TRHDE: variants seen among roughly 807,000 people sequenced by gnomAD.
TRHDE encodes thyrotropin releasing hormone degrading enzyme.
In TRHDE, 72 loss-of-function variants were observed where a neutral mutation model predicts 125.7. The ratio of observed to expected loss-of-function variants is 0.57; its 90% confidence interval spans 0.47 to 0.70. TRHDE has a LOEUF of 0.70. Among genes scored for constraint, TRHDE ranks in the 30% least tolerant of loss-of-function variants. TRHDE has a pLI of 0.00. For synonymous variants in TRHDE, 509 were observed against 509.1 expected (o/e 1.00, Z 0.00); for missense variants, 1,110 against 1,327.1 (o/e 0.84, Z 2.54).
intron 2 of TRHDE, among the ~76,000 whole-genome samples, chr12:72,311,710 G>A (rs1868550479): frequency 6.6e-6 from 1 of 152,150 alleles, no homozygotes; most frequent in Non-Finnish European, 1.5e-5. Context: ...AATTTGGAGT[G>A]TCATAGTTGA....
At chr12:72,311,950 C>T (rs536221945) in intron 2 of TRHDE, among the ~76,000 whole-genome samples, 32 of 152,108 alleles carry the variant, frequency 2.1e-4, no homozygotes, top group Admixed American at 7.9e-4. Context: ...AAGACTATTA[C>T]GTAAATTTCA....
chr12:72,119,065 A>G (rs1354428630), intron 2 of TRHDE, among the ~76,000 whole-genome samples: 1 of 150,620 alleles, frequency 6.6e-6, no homozygotes, highest in Admixed American at 6.6e-5. Context: ...ATCTTTATTT[A>G]TTTTTTCTAC....
intron 3 of TRHDE, among the ~76,000 whole-genome samples, chr12:72,428,780 C>A (rs1444371167): frequency 2.0e-5 from 3 of 152,122 alleles, no homozygotes; most frequent in Non-Finnish European, 4.4e-5. Flanking sequence ...GCCTAAAAAT[C>A]TAACTACGAA....
intron 2 of TRHDE, among the ~76,000 whole-genome samples, chr12:72,112,569 T>C (rs1298358481): frequency 6.6e-6 from 1 of 152,186 alleles, no homozygotes; most frequent in Non-Finnish European, 1.5e-5. Context: ...CTGATGATAA[T>C]AGCCCTCATA....
intron 2 of TRHDE, chr12:72,254,742 C>T (rs981109422): frequency 2.6e-5 from 4 of 152,322 alleles, no homozygotes; most frequent in Middle Eastern, 3.4e-3. Context: ...AACAAAGACC[C>T]ATGCCTTTTC....
At chr12:72,293,198 GT>G (rs551447909) in intron 2 of TRHDE, among the ~76,000 whole-genome samples, 2,537 of 144,294 alleles carry the variant, frequency 0.018, 65 homozygotes, top group African/African-American at 0.06. Context: ...GGGAATATTT[GT>G]TTTTTTTTTT....
At chr12:72,094,664 C>A (rs1874870449) in intron 1 of TRHDE, among the ~76,000 whole-genome samples, 1 of 152,220 alleles carries the variant, frequency 6.6e-6, no homozygotes, top group African/African-American at 2.4e-5. Flanking sequence ...GTCTGTCATG[C>A]AAAACATTAG....
intron 5 of TRHDE, among the ~76,000 whole-genome samples, chr12:72,477,723 A>G (rs1876966043): frequency 6.6e-6 from 1 of 152,190 alleles, no homozygotes; most frequent in African/African-American, 2.4e-5. Context: ...GTTTATGTTA[A>G]AATTTTAATA....
intron 2 of TRHDE, among the ~76,000 whole-genome samples, chr12:72,306,919 C>T (rs1033601782): frequency 1.3e-5 from 2 of 152,080 alleles, no homozygotes; most frequent in Admixed American, 6.6e-5. Flanking sequence ...CTTGGGATAT[C>T]TGGGGAAAGA....
Position 72,655,214 on chromosome 12 carries a change from A to G in TRHDE, c.2985-1713A>G, listed in dbSNP as rs536815955. Among the ~76,000 whole-genome samples the G allele has an allele frequency of 4.6e-5, 7 of 152,210 alleles. No homozygotes were observed. In the East Asian group the frequency reaches 1.2e-3, roughly 25 times the overall value. ...CAGTCTCCTGAGTAGCTGGGACTAC[A>G]GACATACACCACCACACCCGGCTAA... On this transcript the variant is annotated intron_variant, in intron 17 of 18. Coordinates refer to ENST00000261180, the MANE Select transcript of TRHDE (RefSeq NM_013381.3).
At chr12:72,180,974 A>G (rs1186608950) in intron 2 of TRHDE, among the ~76,000 whole-genome samples, 1 of 152,168 alleles carries the variant, frequency 6.6e-6, no homozygotes, top group African/African-American at 2.4e-5. Flanking sequence ...CAGTTAGCCT[A>G]CCCTAAATAA....
At chr12:72,292,148 G>C (rs1880112704) in intron 2 of TRHDE, among the ~76,000 whole-genome samples, 1 of 152,140 alleles carries the variant, frequency 6.6e-6, no homozygotes. Flanking sequence ...GCTTTATGAG[G>C]CATGCCCTTA....
intron 2 of TRHDE, among the ~76,000 whole-genome samples, chr12:72,374,634 A>C (rs866279368): frequency 3.4e-4 from 52 of 152,144 alleles, no homozygotes; most frequent in African/African-American, 1.2e-3. Context: ...TGAGATAGAT[A>C]GAAAAGTAAG....
At chr12:72,103,704 C>T (rs1012452332) in intron 1 of TRHDE, among the ~76,000 whole-genome samples, 17 of 151,888 alleles carry the variant, frequency 1.1e-4, no homozygotes, top group African/African-American at 7.3e-5. Context: ...TTTGGGTTGC[C>T]GTGAAAGCAG....
At position 72,667,169 on chromosome 12, in the gene TRHDE, T is replaced by A. The variant is rs948352487; in HGVS notation, c.*3974T>A. On this transcript the variant is annotated 3_prime_UTR_variant, in exon 19 of 19. Coordinates refer to ENST00000261180, the MANE Select transcript of TRHDE (RefSeq NM_013381.3). ...AATAATATATTTAATTAAAATCTACTGGCAATTAGAATTTTAAGGAATTCT... is the reference window on the plus strand; with the variant it reads ...AATAATATATTTAATTAAAATCTACAGGCAATTAGAATTTTAAGGAATTCT... 6.6e-6 allele frequency: 1 copy of A among 151,970 alleles called. No individual in the cohort carries two copies. The highest frequency in any genetic ancestry group is 1.5e-5 in the Non-Finnish European group (1 of 67,914). The allele number at this position is 151,970 out of a possible 1,614,324, so 9.4% of individuals were successfully genotyped here. A position where few individuals can be genotyped will look rare whatever the true frequency, so the allele number is the denominator to read the frequency against.
At chr12:72,318,050 A>C (rs892749081) in intron 2 of TRHDE, among the ~76,000 whole-genome samples, 10 of 152,220 alleles carry the variant, frequency 6.6e-5, no homozygotes, top group Admixed American at 1.3e-4. Flanking sequence ...GAGGCAGTAC[A>C]GCACAGCAGT....
At chr12:72,200,614 T>C (rs983179840) in intron 2 of TRHDE, among the ~76,000 whole-genome samples, 1 of 152,132 alleles carries the variant, frequency 6.6e-6, no homozygotes, top group Non-Finnish European at 1.5e-5. Context: ...GATTGGGACA[T>C]GCAGGGAGTT....
At position 72,606,400 on chromosome 12, in the gene TRHDE, C is replaced by A. The variant is rs536818773; in HGVS notation, c.2322-12491C>A. 3.3e-5 allele frequency among the ~76,000 whole-genome samples: 5 copies of A among 152,240 alleles called. No individual in the cohort carries two copies. In the South Asian group the frequency reaches 1.0e-3, roughly 32 times the overall value. On this transcript the variant is annotated intron_variant, in intron 12 of 18. Coordinates refer to ENST00000261180, the MANE Select transcript of TRHDE (RefSeq NM_013381.3). ...ACAAATCAAGGTCAGAATATAGATG[C>A]ATGGCACGTGATGCTGAATTCTAGT...
intron 3 of TRHDE, among the ~76,000 whole-genome samples, chr12:72,453,777 T>C (rs913080685): frequency 1.3e-5 from 2 of 152,198 alleles, no homozygotes; most frequent in African/African-American, 4.8e-5. Context: ...GCATCCCAGC[T>C]GCTCCATTTC....
Sources: allele counts gnomAD v4.1 joint callset (sites outside exome capture counted in the v4.1 genomes callset), GRCh38; gene constraint gnomAD v4.1.1; transcripts MANE v1.5; gene names NCBI Gene and HGNC (gene_info 2026-07-23, HGNC 2026-07-21).